Variants in DBNDD2 observed in about 807,000 individuals in gnomAD.
DBNDD2 encodes the protein dysbindin domain containing 2, also known as dysbindin domain-containing protein 2.
Under a neutral mutation model 14.0 loss-of-function variants are expected in DBNDD2, and 8 were observed. That is an observed-to-expected ratio of 0.57 (90% CI 0.33 to 1.03). The LOEUF (loss-of-function observed/expected upper bound fraction) is 1.03. Among genes scored for constraint, DBNDD2 ranks in the 50% least tolerant of loss-of-function variants. DBNDD2 has a pLI of 0.03. For synonymous variants in DBNDD2, 94 were observed against 85.3 expected, an observed-to-expected ratio of 1.10 and a Z score of -0.56; for missense variants, 194 against 206.0, an observed-to-expected ratio of 0.94 and a Z score of 0.36.
Position 45,408,934 on chromosome 20 carries a change from G to A in DBNDD2, c.273G>A (p.Ser91=), listed in dbSNP as rs374032176. ...PCEDPPPTPQ[S]SGMDNHLEEL... is the part of the protein sequence containing the mutation. Reference sequence around the variant, plus strand: ...AAGATCCTCCACCAACCCCCCAGTCGTCTGGTATGCCCCTCTGCTTTGGGG... The same window carrying A: ...AAGATCCTCCACCAACCCCCCAGTCATCTGGTATGCCCCTCTGCTTTGGGG... Residue 91 remains serine, a synonymous_variant, in exon 2 of 3, where the codon TCG becomes TCA. Coordinates refer to ENST00000372710, the MANE Select transcript of DBNDD2 (RefSeq NM_001048225.4). The A allele has an allele frequency of 7.6e-5, 123 of 1,614,192 alleles. No individual in the cohort carries two copies. Among genetic ancestry groups the A allele is most frequent in the Admixed American group, 1.0e-4 (6 of 60,020 alleles).
upstream of DBNDD2, chr20:45,408,007 A>C: frequency 3.5e-6 from 5 of 1,424,736 alleles, no homozygotes; most frequent in Non-Finnish European, 4.6e-6. Context: ...GGTGGGCTGC[A>C]GCACTGGAGG....
chr20:45,408,273 A>C (rs748972457), upstream of DBNDD2: 23 of 1,554,618 alleles, frequency 1.5e-5, no homozygotes, highest in Middle Eastern at 1.7e-4. Flanking sequence ...TCTGCATGAG[A>C]CTTGGTTTGT....
At chr20:45,408,218 C>G (rs1329812132), upstream of DBNDD2, 3 of 1,551,004 alleles carry the variant, frequency 1.9e-6, no homozygotes, top group Non-Finnish European at 2.6e-6. Flanking sequence ...TCTTGTGGTG[C>G]CTGGAACTGG....
upstream of DBNDD2, chr20:45,408,143 CCT>C: frequency 6.5e-7 from 1 of 1,536,122 alleles, no homozygotes; most frequent in Non-Finnish European, 8.8e-7. Context: ...CCCTCCAACC[CCT>C]CTCAGGAGGG....
upstream of DBNDD2, chr20:45,407,550 C>T (rs994330792): frequency 2.3e-4 from 223 of 986,176 alleles, no homozygotes; most frequent in Non-Finnish European, 2.6e-4. Context: ...TGGCCCATAG[C>T]CTCAGTGCTC....
upstream of DBNDD2, chr20:45,406,140 G>C: frequency 3.0e-6 from 1 of 328,392 alleles, no homozygotes; most frequent in South Asian, 4.4e-5. Context: ...CACCGGGTCA[G>C]TGCCCTGCCC....
chr20:45,409,877 TTA>T lies in DBNDD2; in HGVS notation c.278-54_278-53del, dbSNP rs1251700285. ...TTAGTTACTCCTGGCCAGATAATCTTTAAGAGTTCTCTGAAGCCCTGTTTGTG... is the reference window on the plus strand; with the variant it reads ...TTAGTTACTCCTGGCCAGATAATCTTAGAGTTCTCTGAAGCCCTGTTTGTG... On this transcript the variant is annotated intron_variant, in intron 2 of 2. Coordinates refer to ENST00000372710, the MANE Select transcript of DBNDD2 (RefSeq NM_001048225.4). The T allele has an allele frequency of 4.6e-5, 71 of 1,536,092 alleles. No homozygotes were observed. In the Admixed American group the frequency reaches 1.4e-3, roughly 30 times the overall value.
Position 45,410,290 on chromosome 20 carries a change from GAATTAA to G in DBNDD2, c.*151_*156del. Reference sequence around the variant, plus strand: ...ATGGTGGGATTGTGTACCTTTCTAAGAATTAACCCTCTCCTGCTTTACTGCTAATTT... The same window carrying G: ...ATGGTGGGATTGTGTACCTTTCTAAGCCCTCTCCTGCTTTACTGCTAATTT... On this transcript the variant is annotated 3_prime_UTR_variant, in exon 3 of 3. Transcript: ENST00000372710. The G allele has an allele frequency of 1.1e-6, 1 of 872,056 alleles. No homozygotes were observed. Among genetic ancestry groups the G allele is most frequent in the Non-Finnish European group, 1.7e-6 (1 of 580,458 alleles). The allele number at this position is 872,056 out of a possible 1,614,324, so 54.0% of individuals were successfully genotyped here. A position where few individuals can be genotyped will look rare whatever the true frequency, so the allele number is the denominator to read the frequency against.
At chr20:45,406,291 G>A, upstream of DBNDD2, 1 of 612,132 alleles carries the variant, frequency 1.6e-6, no homozygotes, top group Non-Finnish European at 2.7e-6. Flanking sequence ...CCCAAAAGGC[G>A]CAGAGCATCA....
chr20:45,409,907 C>A, intron 2 of DBNDD2, 25 bp from the exon 3 acceptor site: 3 of 1,551,174 alleles, frequency 1.9e-6, no homozygotes, highest in South Asian at 1.2e-5. Flanking sequence ...TGTTTGTGGC[C>A]TGACCAGCTT....
upstream of DBNDD2, chr20:45,406,353 C>A (rs1007584196): frequency 8.6e-6 from 10 of 1,166,392 alleles, no homozygotes; most frequent in Admixed American, 3.0e-5. Context: ...CTGCGCGGGG[C>A]GGGGGCGCAG....
intron 2 of DBNDD2, among the ~76,000 whole-genome samples, chr20:45,409,320 G>T (rs923734204): frequency 1.3e-5 from 2 of 152,122 alleles, no homozygotes; most frequent in African/African-American, 4.8e-5. Flanking sequence ...CTGTACTAAA[G>T]TACTTTACAT....
upstream of DBNDD2, chr20:45,408,256 C>G (rs781319780): frequency 5.2e-6 from 8 of 1,551,814 alleles, no homozygotes; most frequent in Non-Finnish European, 7.0e-6. Context: ...TTAGGGCAAG[C>G]CCCGCCTCTG....
At position 45,408,463 on chromosome 20, in the gene DBNDD2, C is replaced by A. The variant is rs772152747; in HGVS notation, c.-5C>A. 8.1e-6 allele frequency: 13 copies of A among 1,614,278 alleles called. No homozygotes were observed. The Admixed American group carries it at 2.2e-4, about 27-fold the overall frequency. On this transcript the variant is annotated 5_prime_UTR_variant, in exon 1 of 3. The change creates a new upstream start codon in the 5' untranslated region. Coordinates refer to ENST00000372710, the MANE Select transcript of DBNDD2 (RefSeq NM_001048225.4). ...TGTTTTGCTCCTCTACCCGCAGGAG[C>A]TGACATGGACCCAAATCCTCGGGCC...
rs1445828574 is a variant in DBNDD2, at chr20:45,410,181, T to C, written c.*41T>C. ...TACAGACTGACCACGCTGGCTATTC[T>C]CCACATGAGACCACAGGCCCAGCCA... On this transcript the variant is annotated 3_prime_UTR_variant, in exon 3 of 3. Transcript: ENST00000372710. 6.5e-7 allele frequency: 1 copy of C among 1,548,994 alleles called. No individual in the cohort carries two copies. Among genetic ancestry groups the C allele is most frequent in the Non-Finnish European group, 8.7e-7 (1 of 1,145,488 alleles).
At chr20:45,406,621 C>G (rs893851032), upstream of DBNDD2, 288 of 1,405,932 alleles carry the variant, frequency 2.0e-4, no homozygotes, top group Non-Finnish European at 2.6e-4. Flanking sequence ...GTCGGTCCCC[C>G]GGGAGCCCTG....
chr20:45,406,578 C>T, upstream of DBNDD2: 2 of 1,469,100 alleles, frequency 1.4e-6, no homozygotes, highest in South Asian at 2.7e-5. Context: ...CTTCCGCCTC[C>T]CGCCTCTTCC....
intron 2 of DBNDD2, among the ~76,000 whole-genome samples, chr20:45,409,266 A>G (rs964032293): frequency 2.6e-5 from 4 of 152,264 alleles, no homozygotes; most frequent in East Asian, 3.8e-4. Flanking sequence ...TTTAGTCATT[A>G]TAATGATATT....
chr20:45,408,923 AC>A lies in DBNDD2; in HGVS notation c.268del (p.Gln90SerfsTer12), dbSNP rs1320987043. On this transcript the variant is annotated frameshift_variant, in exon 2 of 3. Coordinates refer to ENST00000372710, the MANE Select transcript of DBNDD2 (RefSeq NM_001048225.4). LOFTEE classifies it high-confidence loss of function. ...VFLPCEDPPPTPQSSGMDNHL... is the reference protein window; with the variant it reads ...VFLPCEDPPPXPQSSGMDNHL... ...CTTGCCTTGCGAAGATCCTCCACCA[AC>A]CCCCCAGTCGTCTGGTATGCCCCTC... 1.9e-6 allele frequency: 3 copies of A among 1,613,640 alleles called. No homozygotes were observed. The highest frequency in any genetic ancestry group is 1.7e-6 in the Non-Finnish European group (2 of 1,179,940).
Sources: allele counts gnomAD v4.1 joint callset (sites outside exome capture counted in the v4.1 genomes callset), GRCh38; gene constraint gnomAD v4.1.1; transcripts MANE v1.5; gene names NCBI Gene and HGNC (gene_info 2026-07-23, HGNC 2026-07-21).